The following GABBR2 variants were observed in gnomAD, a reference collection of about 807,000 sequenced individuals.
GABBR2 encodes G-protein coupled receptor 51.
GABBR2 carries 23 observed loss-of-function variants against 105.6 expected under a neutral mutation model. The observed-to-expected ratio is 0.22, with a 90% CI of 0.16 to 0.31. The LOEUF is 0.31. Ranked by LOEUF, GABBR2 falls within the 10% of genes least tolerant of loss-of-function variation. GABBR2 has a pLI of 1.00. For synonymous variants in GABBR2, 478 were observed against 499.7 expected (o/e 0.96, Z 0.58); for missense variants, 734 against 1,245.5 (o/e 0.59, Z 6.18).
chr9:98,449,444 A>C (rs567668590), intron 7 of GABBR2, among the ~76,000 whole-genome samples: 1 of 152,300 alleles, frequency 6.6e-6, no homozygotes, highest in South Asian at 2.1e-4. Flanking sequence ...GGTTTAAACC[A>C]CAAACGTGTG....
At chr9:98,602,452 T>C (rs1829353801) in intron 1 of GABBR2, among the ~76,000 whole-genome samples, 1 of 107,086 alleles carries the variant, frequency 9.3e-6, no homozygotes, top group Non-Finnish European at 1.9e-5. Context: ...AGAGCTAGAC[T>C]CTGTCTCAAA....
intron 13 of GABBR2, among the ~76,000 whole-genome samples, chr9:98,350,177 C>CAAA (rs35948835): frequency 6.2e-5 from 9 of 145,724 alleles, no homozygotes; most frequent in South Asian, 2.2e-4. Context: ...TTTATCTTCT[C>CAAA]AAAAAAAAAA....
At chr9:98,574,092 A>T (rs1419800068) in intron 2 of GABBR2, among the ~76,000 whole-genome samples, 1 of 152,218 alleles carries the variant, frequency 6.6e-6, no homozygotes, top group Non-Finnish European at 1.5e-5. Flanking sequence ...AAGGATGAGC[A>T]GGAGTTCTGC....
chr9:98,406,806 C>T (rs1442271828), intron 7 of GABBR2, among the ~76,000 whole-genome samples: 1 of 152,188 alleles, frequency 6.6e-6, no homozygotes, highest in Non-Finnish European at 1.5e-5. Flanking sequence ...ATCTGCCCTG[C>T]TGGCTTCCAA....
intron 1 of GABBR2, among the ~76,000 whole-genome samples, chr9:98,706,047 G>A (rs1207544729): frequency 6.6e-6 from 1 of 150,774 alleles, no homozygotes; most frequent in South Asian, 2.1e-4. Context: ...ATGCACTCCA[G>A]CCTGGGCAAC....
chr9:98,299,141 T>G, intron 17 of GABBR2, 83 bp downstream of exon 17: 1 of 1,203,460 alleles, frequency 8.3e-7, no homozygotes, highest in Admixed American at 1.7e-5. Flanking sequence ...GAGCCTCAGT[T>G]TCTTCATCTA....
At chr9:98,327,264 C>T (rs188224742) in intron 13 of GABBR2, among the ~76,000 whole-genome samples, 4 of 152,180 alleles carry the variant, frequency 2.6e-5, no homozygotes, top group Admixed American at 1.3e-4. Context: ...GGGAACTGTT[C>T]GGGGGCTTCC....
At chr9:98,438,287 A>G (rs914685930) in intron 7 of GABBR2, among the ~76,000 whole-genome samples, 1 of 151,478 alleles carries the variant, frequency 6.6e-6, no homozygotes, top group Non-Finnish European at 1.5e-5. Flanking sequence ...CAGCCATCCA[A>G]CTATCTACTC....
intron 3 of GABBR2, among the ~76,000 whole-genome samples, chr9:98,529,866 A>C (rs148401832): frequency 2.6e-4 from 40 of 152,304 alleles, no homozygotes; most frequent in African/African-American, 8.9e-4. Flanking sequence ...AGAGGCATGC[A>C]GGGATCTTCG....
chr9:98,326,970 T>C (rs1830934899), intron 13 of GABBR2, among the ~76,000 whole-genome samples: 1 of 152,242 alleles, frequency 6.6e-6, no homozygotes. Context: ...GCCCTGAATC[T>C]GGGTCTGTGT....
chr9:98,428,896 T>C (rs1825746523), intron 7 of GABBR2, among the ~76,000 whole-genome samples: 1 of 152,328 alleles, frequency 6.6e-6, no homozygotes, highest in South Asian at 2.1e-4. Context: ...TAGACTTTAC[T>C]GCTCCTTTGC....
chr9:98,464,320 G>A (rs1346877246), intron 6 of GABBR2, among the ~76,000 whole-genome samples: 1 of 146,284 alleles, frequency 6.8e-6, no homozygotes, highest in Non-Finnish European at 1.5e-5. Context: ...CCTCAGCCCA[G>A]CTGCCCCGAA....
chr9:98,532,484 G>A (rs1828085511), intron 3 of GABBR2, among the ~76,000 whole-genome samples: 1 of 152,210 alleles, frequency 6.6e-6, no homozygotes. Flanking sequence ...TAAAAGATCT[G>A]CAGATACGCT....
chr9:98,423,630 T>C (rs1025384129), intron 7 of GABBR2, among the ~76,000 whole-genome samples: 1 of 152,258 alleles, frequency 6.6e-6, no homozygotes, highest in African/African-American at 2.4e-5. Flanking sequence ...TTTGTCAATT[T>C]TGTCTTTTGT....
At chr9:98,443,990 C>A (rs1416608281) in intron 7 of GABBR2, among the ~76,000 whole-genome samples, 1 of 152,196 alleles carries the variant, frequency 6.6e-6, no homozygotes, top group Admixed American at 6.5e-5. Context: ...TAATTGGATA[C>A]CTAAATGCTT....
rs1378835552 is a variant in GABBR2, at chr9:98,388,280, C to CGCTGAACTTCA, written c.1529+563_1529+573dup. Among the ~76,000 whole-genome samples the CGCTGAACTTCA allele has an allele frequency of 6.6e-6, 1 of 152,274 alleles. No individual in the cohort carries two copies. The highest frequency in any genetic ancestry group is 2.1e-4 in the South Asian group (1 of 4,822). On this transcript the variant is annotated intron_variant, in intron 10 of 18. Transcript: ENST00000259455. The surrounding 1 kb of genome is among the most constrained non-coding windows in gnomAD (Gnocchi z 4.4). ...CCACGAGTGGACAGCAGCACTCTGT[C>CGCTGAACTTCA]GCTGAACTTCAGGGCTTTTCTCTGT...
chr9:98,444,684 C>T (rs1184868635), intron 7 of GABBR2, among the ~76,000 whole-genome samples: 1 of 152,090 alleles, frequency 6.6e-6, no homozygotes, highest in Admixed American at 6.5e-5. Flanking sequence ...ATGTTTCTGA[C>T]AATCTGAAGT....
intron 1 of GABBR2, among the ~76,000 whole-genome samples, chr9:98,661,109 A>G (rs1830254956): frequency 1.3e-5 from 2 of 152,166 alleles, no homozygotes; most frequent in South Asian, 4.1e-4. Flanking sequence ...GGGTTTCGCC[A>G]TTTGGCCAGG....
chr9:98,621,188 T>C (rs1829665877), intron 1 of GABBR2, among the ~76,000 whole-genome samples: 1 of 152,112 alleles, frequency 6.6e-6, no homozygotes, highest in Non-Finnish European at 1.5e-5. Flanking sequence ...TGGGGACAAT[T>C]ATCCCCACCT....
Sources: allele counts gnomAD v4.1 joint callset (sites outside exome capture counted in the v4.1 genomes callset), GRCh38; gene constraint gnomAD v4.1.1; non-coding constraint Gnocchi (gnomAD v3.1); transcripts MANE v1.5; gene names NCBI Gene and HGNC (gene_info 2026-07-23, HGNC 2026-07-21).